PPARG: variants seen among roughly 807,000 people sequenced by gnomAD.
PPARG encodes peroxisome proliferator activated receptor gamma, also known as peroxisome proliferator-activated receptor gamma.
A neutral mutation model predicts 39.2 loss-of-function variants in PPARG; 17 were observed. The observed-to-expected ratio is 0.43, with a 90% confidence interval of 0.30 to 0.65. The LOEUF is 0.65. Among genes scored for constraint, PPARG ranks in the 30% least tolerant of loss-of-function variants. PPARG has a pLI of 0.13. For missense variants in PPARG, 406 were observed against 585.9 expected, an observed-to-expected ratio of 0.69 and a Z score of 3.17; for synonymous variants, 223 against 215.7, an observed-to-expected ratio of 1.03 and a Z score of -0.30.
At chr3:12,348,080 T>C (rs143613786) in intron 2 of PPARG, among the ~76,000 whole-genome samples, 2 of 152,366 alleles carry the variant, frequency 1.3e-5, no homozygotes, top group East Asian at 3.8e-4. Flanking sequence ...TTCTAGAGAA[T>C]AAATTCCAAA....
At chr3:12,406,464 C>T (rs972494187) in intron 6 of PPARG, 18 of 253,468 alleles carry the variant, frequency 7.1e-5, no homozygotes, top group Non-Finnish European at 1.2e-4. Flanking sequence ...GGGAAGAACC[C>T]GACCTAGGTT....
rs147755565 is a variant in PPARG at position 12,434,112 on chromosome 3, G to A, written c.1395G>A (p.Pro465=). 9.9e-6 allele frequency: 16 copies of A among 1,613,886 alleles called. No individual in the cohort carries two copies. The highest frequency in any genetic ancestry group is 2.7e-5 in the African/African-American group (2 of 74,856). ...KKTETDMSLH[P]LLQEIYKDLY ...CGGAGACAGACATGAGTCTTCACCC[G>A]CTCCTGCAGGAGATCTACAAGGACT... Residue 465 remains proline, a synonymous_variant, in exon 8 of 8, where the codon CCG becomes CCA. Coordinates refer to ENST00000651735, the MANE Select transcript of PPARG (RefSeq NM_138711.6). This position sits in a 1 kb window ranked among gnomAD's most constrained non-coding sequence, Gnocchi z 4.2.
intron 4 of PPARG, among the ~76,000 whole-genome samples, chr3:12,388,311 A>G (rs4135264): frequency 0.013 from 2,053 of 152,296 alleles, 57 homozygotes; most frequent in African/African-American, 0.047. Context: ...AACAACATCA[A>G]TGAAACAAAA....
rs2047740981 is a variant in PPARG, at chr3:12,327,984, T to C, written c.-9+15531T>C. On this transcript the variant is annotated intron_variant, in intron 2 of 7. Coordinates refer to ENST00000651735, the MANE Select transcript of PPARG (RefSeq NM_138711.6). The stretch of plus-strand genomic sequence containing the variant: ...AATGGGAATAAATAGTATTAAATTC[T>C]GTTCTTAGAACCTACTGTATAGTGA... The C allele has an allele frequency of 8.7e-6, 7 of 805,224 alleles. No homozygotes were observed. In the East Asian group the frequency reaches 1.7e-4, roughly 19 times the overall value. 49.9% of individuals were successfully genotyped at this position (805,224 alleles called of 1,614,324 possible).
At chr3:12,420,473 T>A (rs376068598) in intron 7 of PPARG, among the ~76,000 whole-genome samples, 10 of 152,234 alleles carry the variant, frequency 6.6e-5, no homozygotes, top group Admixed American at 2.0e-4. Flanking sequence ...TCAGTTACTT[T>A]GGTGGTTTCA....
intron 2 of PPARG, among the ~76,000 whole-genome samples, chr3:12,329,458 C>G (rs1405198120): frequency 6.6e-6 from 1 of 152,136 alleles, no homozygotes; most frequent in African/African-American, 2.4e-5. Context: ...AGCAGGTAGA[C>G]TAGATGATTA....
At chr3:12,351,609 G>A in intron 2 of PPARG, 1 of 1,609,110 alleles carries the variant, frequency 6.2e-7, no homozygotes, top group South Asian at 1.1e-5. Context: ...GAAACTCTGG[G>A]AGATTCTCCT....
chr3:12,318,204 C>A (rs1161236475), intron 2 of PPARG, among the ~76,000 whole-genome samples: 1 of 152,128 alleles, frequency 6.6e-6, no homozygotes, highest in Non-Finnish European at 1.5e-5. Flanking sequence ...AAACGTCTGG[C>A]CTCAAGCAAT....
At chr3:12,382,326 A>C (rs1288982287) in intron 4 of PPARG, among the ~76,000 whole-genome samples, 3 of 152,204 alleles carry the variant, frequency 2.0e-5, no homozygotes, top group African/African-American at 7.2e-5. Context: ...TTGCTTAATT[A>C]TTAAGAAAAT....
At chr3:12,433,538 A>C (rs961871281) in intron 7 of PPARG, among the ~76,000 whole-genome samples, 6 of 81,088 alleles carry the variant, frequency 7.4e-5, no homozygotes, top group Non-Finnish European at 1.2e-4. Flanking sequence ...ACTCCATCTC[A>C]AAAAAAAAAA....
At chr3:12,292,395 C>T (rs890860742) in intron 1 of PPARG, among the ~76,000 whole-genome samples, 2 of 152,072 alleles carry the variant, frequency 1.3e-5, no homozygotes, top group South Asian at 2.1e-4. Flanking sequence ...GGAGCAAGTT[C>T]GTTTTATAAT....
chr3:12,339,863 C>T (rs1210519870), intron 2 of PPARG, among the ~76,000 whole-genome samples: 1 of 152,202 alleles, frequency 6.6e-6, no homozygotes, highest in Non-Finnish European at 1.5e-5. Context: ...CCCCTTTATT[C>T]AGCATGGCAT....
In PPARG at chr3:12,434,027, T is replaced by C. The variant is rs2051768646; in HGVS notation, c.1310T>C (p.Met437Thr). The C allele has an allele frequency of 6.2e-7, 1 of 1,614,002 alleles. No homozygotes were observed. The highest frequency in any genetic ancestry group is 1.3e-5 in the African/African-American group (1 of 74,888). The change falls in exon 8 of 8, where the codon ATG (methionine) becomes ACG (threonine). Residue 437 changes from methionine (M) to threonine (T), a missense_variant. By Grantham distance (81) the Met-to-Thr change is moderately conservative. Coordinates refer to ENST00000651735, the MANE Select transcript of PPARG (RefSeq NM_138711.6). This position sits in a 1 kb window ranked among gnomAD's most constrained non-coding sequence, Gnocchi z 4.2. ...SQLFAKLLQKMTDLRQIVTEH... is the reference protein window; with the variant it reads ...SQLFAKLLQKTTDLRQIVTEH... ...CTGTTTGCCAAGCTGCTCCAGAAAA[T>C]GACAGACCTCAGACAGATTGTCACG...
chr3:12,377,270 A>C (rs2049448774), intron 2 of PPARG, among the ~76,000 whole-genome samples: 1 of 151,880 alleles, frequency 6.6e-6, no homozygotes, highest in South Asian at 2.1e-4. Context: ...TTTGTCTTTT[A>C]TGTGTTTTCT....
chr3:12,367,914 C>G (rs1406308967), intron 2 of PPARG, among the ~76,000 whole-genome samples: 1 of 151,352 alleles, frequency 6.6e-6, no homozygotes, highest in Non-Finnish European at 1.5e-5. Flanking sequence ...TAATAAAAAA[C>G]ATGGTCTTTC....
chr3:12,361,277 C>A (rs565816453), intron 2 of PPARG, among the ~76,000 whole-genome samples: 4 of 152,166 alleles, frequency 2.6e-5, no homozygotes, highest in East Asian at 3.9e-4. Context: ...TAAAGCATAC[C>A]TTGTCAGATA....
At chr3:12,402,166 A>C (rs1438040737) in intron 5 of PPARG, among the ~76,000 whole-genome samples, 1 of 152,228 alleles carries the variant, frequency 6.6e-6, no homozygotes, top group East Asian at 1.9e-4. Flanking sequence ...GGCGCACAAT[A>C]GTCATTCAAC....
intron 1 of PPARG, among the ~76,000 whole-genome samples, chr3:12,290,221 A>C (rs2046613714): frequency 6.6e-6 from 1 of 152,192 alleles, no homozygotes; most frequent in South Asian, 2.1e-4. Context: ...CATATTTACA[A>C]GTTTGTTTCT....
At chr3:12,346,531 G>T (rs559098224) in intron 2 of PPARG, among the ~76,000 whole-genome samples, 5 of 152,174 alleles carry the variant, frequency 3.3e-5, no homozygotes, top group African/African-American at 1.2e-4. Flanking sequence ...AGACAAAAAC[G>T]TAAAACCTAG....
Sources: allele counts gnomAD v4.1 joint callset (sites outside exome capture counted in the v4.1 genomes callset), GRCh38; gene constraint gnomAD v4.1.1; non-coding constraint Gnocchi (gnomAD v3.1); transcripts MANE v1.5; gene names NCBI Gene and HGNC (gene_info 2026-07-23, HGNC 2026-07-21).